The following IL20RA variants were observed in gnomAD, a reference collection of about 807,000 sequenced individuals.
The protein encoded by IL20RA is interleukin 20 receptor subunit alpha.
Under a neutral mutation model 36.5 loss-of-function variants are expected in IL20RA, and 29 were observed. The ratio of observed to expected loss-of-function variants is 0.79; its 90% CI spans 0.59 to 1.08. The LOEUF is 1.08. Among genes scored for constraint, IL20RA ranks in the 50% least tolerant of loss-of-function variants. IL20RA has a pLI of 0.00. For synonymous variants in IL20RA, 279 were observed against 267.1 expected (o/e 1.04, Z -0.43); for missense variants, 652 against 668.4 (o/e 0.98, Z 0.27).
chr6:137,022,049 C>T (rs947637903), intron 1 of IL20RA, among the ~76,000 whole-genome samples: 10 of 151,998 alleles, frequency 6.6e-5, no homozygotes, highest in African/African-American at 2.4e-4. Flanking sequence ...CACTCACATG[C>T]CAGCGTTGTA....
chr6:137,022,027 T>G (rs569972257), intron 1 of IL20RA, among the ~76,000 whole-genome samples: 36 of 152,280 alleles, frequency 2.4e-4, no homozygotes, highest in African/African-American at 8.7e-4. Flanking sequence ...GAACCCATAC[T>G]CTTAACCTCC....
intron 1 of IL20RA, among the ~76,000 whole-genome samples, chr6:137,030,706 T>C (rs1275826822): frequency 6.6e-6 from 1 of 152,174 alleles, no homozygotes; most frequent in Non-Finnish European, 1.5e-5. Flanking sequence ...TCTCAAATGA[T>C]TTAATCTTAA....
At chr6:137,014,700 T>C (rs895525325) in intron 2 of IL20RA, among the ~76,000 whole-genome samples, 3 of 150,514 alleles carry the variant, frequency 2.0e-5, no homozygotes, top group Admixed American at 6.6e-5. Flanking sequence ...CACTTATAGT[T>C]CCCCCCCCCT....
intron 1 of IL20RA, chr6:137,038,209 T>G (rs1424873608): frequency 9.5e-6 from 1 of 105,442 alleles, no homozygotes; most frequent in East Asian, 2.2e-4. Context: ...GTTCTCCTTT[T>G]TTTTTTTTTT....
chr6:137,004,174 T>TTTTTTTGTTTTG (rs1775190338), intron 6 of IL20RA, among the ~76,000 whole-genome samples: 1 of 124,450 alleles, frequency 8.0e-6, no homozygotes, highest in African/African-American at 3.1e-5. Flanking sequence ...TTTTTTTTTT[T>TTTTTTTGTTTTG]TTTTTTTTTT....
At chr6:137,035,305 A>G (rs955020171) in intron 1 of IL20RA, among the ~76,000 whole-genome samples, 6 of 152,018 alleles carry the variant, frequency 3.9e-5, no homozygotes, top group African/African-American at 1.4e-4. Context: ...GGAGAATGTG[A>G]TGTGATATAT....
In IL20RA at chr6:137,002,123, A is replaced by C. The variant is rs773924984; in HGVS notation, c.1097T>G (p.Leu366Trp). Reference sequence around the variant, plus strand: ...TTCAGAGTCACAAAAAATTTCCATCAAATGCGAAGCATACCCTAAATGTTT... The same window carrying C: ...TTCAGAGTCACAAAAAATTTCCATCCAATGCGAAGCATACCCTAAATGTTT... ...EVKHLGYASH[L>W]MEIFCDSEEN... Residue 366 changes from leucine (L) to tryptophan (W), a missense_variant, in exon 7 of 7, where the codon TTG (leucine) becomes TGG (tryptophan). Coordinates refer to ENST00000316649, the MANE Select transcript of IL20RA (RefSeq NM_014432.4). 6.2e-7 allele frequency: 1 copy of C among 1,614,162 alleles called. No homozygotes were observed. The highest frequency in any genetic ancestry group is 8.5e-7 in the Non-Finnish European group (1 of 1,180,028).
chr6:137,034,633 C>G (rs1230383761), intron 1 of IL20RA, among the ~76,000 whole-genome samples: 1 of 152,122 alleles, frequency 6.6e-6, no homozygotes, highest in Non-Finnish European at 1.5e-5. Flanking sequence ...CATTGTTCAG[C>G]TCCCACTTAA....
intron 6 of IL20RA, among the ~76,000 whole-genome samples, chr6:137,004,174 T>C (rs117524962): frequency 8.0e-6 from 1 of 124,450 alleles, no homozygotes; most frequent in African/African-American, 3.1e-5. Flanking sequence ...TTTTTTTTTT[T>C]TTTTTTTTTT....
chr6:137,011,572 C>T (rs1182213872), intron 2 of IL20RA, 120 bp from the exon 3 acceptor site: 1 of 623,168 alleles, frequency 1.6e-6, no homozygotes, highest in East Asian at 3.0e-5. Context: ...AACAAAAGTG[C>T]CTGTCATTGA....
At chr6:137,043,730 G>C (rs1012112956) in intron 1 of IL20RA, among the ~76,000 whole-genome samples, 1 of 152,158 alleles carries the variant, frequency 6.6e-6, no homozygotes, top group South Asian at 2.1e-4. Context: ...AAAAGACAGC[G>C]GGGCCTGAAC....
chr6:137,034,706 C>G (rs933198015), intron 1 of IL20RA, among the ~76,000 whole-genome samples: 1 of 151,914 alleles, frequency 6.6e-6, no homozygotes, highest in Non-Finnish European at 1.5e-5. Flanking sequence ...TTTGGGAGGC[C>G]AAGGCGGGCA....
intron 1 of IL20RA, among the ~76,000 whole-genome samples, chr6:137,027,057 A>G (rs866409518): frequency 1.3e-5 from 2 of 151,500 alleles, no homozygotes; most frequent in South Asian, 2.1e-4. Flanking sequence ...TAATTTTTGT[A>G]TTTTTAGTGA....
In IL20RA at chr6:137,009,339, A is replaced by G; in HGVS notation, c.557T>C (p.Leu186Ser). The change falls in exon 4 of 7, where the codon TTG becomes TCG. Residue 186 changes from leucine (L) to serine (S), a missense_variant. By Grantham distance (145) the Leu-to-Ser change is moderately radical. Transcript: ENST00000316649. ...YSNLKYNVSV[L>S]NTKSNRTWSQ... ...TACCGTTCTGTTTGATTTAGTATTCAACACAGACACGTTATACTTCAGATT... is the reference window on the plus strand; with the variant it reads ...TACCGTTCTGTTTGATTTAGTATTCGACACAGACACGTTATACTTCAGATT... The G allele has an allele frequency of 1.2e-6, 2 of 1,613,612 alleles. No individual in the cohort carries two copies. Among genetic ancestry groups the G allele is most frequent in the Non-Finnish European group, 1.7e-6 (2 of 1,179,584 alleles).
Position 137,001,488 on chromosome 6 carries a change from T to G in IL20RA, c.*70A>C. ...AAAAACTTCTTTCATCCCAGGTACT[T>G]TATGGCTGGGATCAAAGGGGTGACT... On this transcript the variant is annotated 3_prime_UTR_variant, in exon 7 of 7. Coordinates refer to ENST00000316649, the MANE Select transcript of IL20RA (RefSeq NM_014432.4). 4 of 1,393,050 alleles carry G rather than the reference T, an allele frequency of 2.9e-6. No individual in the cohort carries two copies. In the South Asian group the frequency reaches 6.0e-5, roughly 21 times the overall value. 86.3% of individuals were successfully genotyped at this position (1,393,050 alleles called of 1,614,324 possible).
In IL20RA at chr6:137,041,350, G is replaced by A. The variant is rs142392792; in HGVS notation, c.88+3291C>T. Among the ~76,000 whole-genome samples, 38 of 152,328 alleles carry A rather than the reference G, an allele frequency of 2.5e-4. No homozygotes were observed. The East Asian group carries it at 7.1e-3, about 29-fold the overall frequency. On this transcript the variant is annotated intron_variant, in intron 1 of 6. Coordinates refer to ENST00000316649, the MANE Select transcript of IL20RA (RefSeq NM_014432.4). ...TAGTTTAGTGAGTAGCACTATACCA[G>A]TGTTAATTTCCTGGTCTGAACATTG... is the stretch of plus-strand genomic sequence containing the variant.
At chr6:137,031,477 T>A (rs1008520914) in intron 1 of IL20RA, among the ~76,000 whole-genome samples, 55 of 152,356 alleles carry the variant, frequency 3.6e-4, no homozygotes, top group African/African-American at 1.2e-3. Flanking sequence ...ACACAAATAC[T>A]ATTGTGTTAC....
intron 3 of IL20RA, among the ~76,000 whole-genome samples, chr6:137,009,846 C>T (rs1052992581): frequency 1.3e-4 from 19 of 151,980 alleles, no homozygotes; most frequent in African/African-American, 2.9e-4. Flanking sequence ...TCCTGTGATC[C>T]GTCCACCTCG....
intron 1 of IL20RA, among the ~76,000 whole-genome samples, chr6:137,020,849 G>GAA (rs1775873829): frequency 1.3e-5 from 2 of 152,148 alleles, no homozygotes; most frequent in African/African-American, 4.8e-5. Context: ...TCTTCCTTTG[G>GAA]ATTGACGTTA....
Sources: allele counts gnomAD v4.1 joint callset (sites outside exome capture counted in the v4.1 genomes callset), GRCh38; gene constraint gnomAD v4.1.1; transcripts MANE v1.5; gene names NCBI Gene and HGNC (gene_info 2026-07-23, HGNC 2026-07-21).